PCDHGA1: variants seen among roughly 807,000 people sequenced by gnomAD.
PCDHGA1 encodes the protein protocadherin gamma-A1.
A neutral mutation model predicts 58.0 loss-of-function variants in PCDHGA1; 32 were observed. The observed-to-expected ratio is 0.55, with a 90% CI of 0.42 to 0.74. The LOEUF (loss-of-function observed/expected upper bound fraction) is 0.74, where lower values mean the gene tolerates loss of function less well. Among genes scored for constraint, PCDHGA1 ranks in the 30% least tolerant of loss-of-function variants. The pLI is 0.00. For missense variants in PCDHGA1, 1,205 were observed against 1,182.3 expected (o/e 1.02, Z -0.28); for synonymous variants, 498 against 501.1 (o/e 0.99, Z 0.08).
At chr5:141,353,898 A>G (rs1759411313) in intron 1 of PCDHGA1, among the ~76,000 whole-genome samples, 1 of 152,366 alleles carries the variant, frequency 6.6e-6, no homozygotes, top group East Asian at 1.9e-4. Context: ...TAAATTCTGT[A>G]TAGCTAATGC....
chr5:141,409,541 G>C lies in PCDHGA1; in HGVS notation c.2421+76436G>C, dbSNP rs1485327824. ...CACCTTGTATGTCGCTGACATCAAC[G>C]ACAACGCCCCAGTTTTCGACCAGAC... On this transcript the variant is annotated intron_variant, in intron 1 of 3. Coordinates refer to ENST00000517417, the MANE Select transcript of PCDHGA1 (RefSeq NM_018912.3). 16 of 1,613,852 alleles carry C rather than the reference G, an allele frequency of 9.9e-6. No homozygotes were observed. Among genetic ancestry groups the C allele is most frequent in the Admixed American group, 1.7e-5 (1 of 60,016 alleles).
At chr5:141,351,835 G>T (rs769087131) in intron 1 of PCDHGA1, 1 of 1,613,110 alleles carries the variant, frequency 6.2e-7, no homozygotes. Flanking sequence ...GCGCCTTCGA[G>T]CTCACACTGC....
At chr5:141,351,075 C>A (rs547501388) in intron 1 of PCDHGA1, 7 of 1,613,914 alleles carry the variant, frequency 4.3e-6, no homozygotes, top group Non-Finnish European at 5.9e-6. Context: ...GGCATTAATG[C>A]AGAGATCACC....
chr5:141,388,430 TAAAG>T (rs2091357990), intron 1 of PCDHGA1: 1 of 1,613,634 alleles, frequency 6.2e-7, no homozygotes, highest in South Asian at 1.1e-5. Context: ...CACTGATAAA[TAAAG>T]AGAAATCAGA....
chr5:141,415,101 C>T, intron 1 of PCDHGA1: 1 of 1,613,550 alleles, frequency 6.2e-7, no homozygotes, highest in South Asian at 1.1e-5. Context: ...GAGACGCGCT[C>T]AAGCAAAGCC....
At chr5:141,467,537 A>G (rs2154569542) in intron 1 of PCDHGA1, among the ~76,000 whole-genome samples, 1 of 152,192 alleles carries the variant, frequency 6.6e-6, no homozygotes, top group Non-Finnish European at 1.5e-5. Context: ...TGAGATATGG[A>G]TCTGATTATA....
intron 3 of PCDHGA1, 40 bp downstream of exon 3, chr5:141,505,521 T>C: frequency 1.9e-6 from 3 of 1,612,684 alleles, no homozygotes; most frequent in Non-Finnish European, 2.5e-6. Context: ...GTGGGAGACC[T>C]GGGGTTCTGG....
At chr5:141,399,579 C>CT (rs1419885738) in intron 1 of PCDHGA1, 1 of 1,614,026 alleles carries the variant, frequency 6.2e-7, no homozygotes, top group African/African-American at 1.3e-5. Context: ...GCCAAGTCTC[C>CT]TACTCTATCA....
intron 1 of PCDHGA1, chr5:141,351,101 T>C (rs765433940): frequency 6.2e-7 from 1 of 1,613,996 alleles, no homozygotes; most frequent in Non-Finnish European, 8.5e-7. Context: ...CTTCCTCAAT[T>C]CCCCAATAAG....
chr5:141,347,783 T>C (rs1282741205), intron 1 of PCDHGA1, among the ~76,000 whole-genome samples: 2 of 146,882 alleles, frequency 1.4e-5, no homozygotes, highest in Non-Finnish European at 3.0e-5. Flanking sequence ...AGAGACTCCA[T>C]CTCAAAAAAA....
Position 141,332,364 on chromosome 5 carries a change from C to T in PCDHGA1, c.1680C>T (p.Pro560=), listed in dbSNP as rs200405477. 2.5e-6 allele frequency: 4 copies of T among 1,614,214 alleles called. No individual in the cohort carries two copies. The highest frequency in any genetic ancestry group is 2.2e-5 in the East Asian group (1 of 44,874). The change falls in exon 1 of 4, where the codon CCC becomes CCT. Residue 560 remains proline, a synonymous_variant. Transcript: ENST00000517417. This position sits in a 1 kb window ranked among gnomAD's most constrained non-coding sequence, Gnocchi z 4.6. ...TGCTGGACCAGAACGACAACGCGCCCGAGATCCTGTACCCCGCCCTCCCCA... is the reference window on the plus strand; with the variant it reads ...TGCTGGACCAGAACGACAACGCGCCTGAGATCCTGTACCCCGCCCTCCCCA... ...LFLLDQNDNA[P]EILYPALPTD...
At position 141,414,898 on chromosome 5, in the gene PCDHGA1, G is replaced by A. The variant is rs1369274783; in HGVS notation, c.2422-79909G>A. On this transcript the variant is annotated intron_variant, in intron 1 of 3. Coordinates refer to ENST00000517417, the MANE Select transcript of PCDHGA1 (RefSeq NM_018912.3). ...CCTGTACCCCGCCCTCCCCACAGAC[G>A]GTTCCACAGGCGTGGAGCTGGCGCC... is the stretch of plus-strand genomic sequence containing the variant. 2.5e-6 allele frequency: 4 copies of A among 1,614,190 alleles called. No individual in the cohort carries two copies. Among genetic ancestry groups the A allele is most frequent in the Admixed American group, 1.7e-5 (1 of 60,028 alleles).
chr5:141,489,427 C>T lies in PCDHGA1; in HGVS notation c.2422-5380C>T, dbSNP rs370540900. 83 of 1,613,990 alleles carry T rather than the reference C, an allele frequency of 5.1e-5. No individual in the cohort carries two copies. The highest frequency in any genetic ancestry group is 8.3e-5 in the Admixed American group (5 of 59,996). On this transcript the variant is annotated intron_variant, in intron 1 of 3. Transcript: ENST00000517417. The surrounding 1 kb of genome is among the most constrained non-coding windows in gnomAD (Gnocchi z 4.5). ...AAAGATGACAGATCTGTTGAGCCGGCGGCTGCAATTGGGCTCTGAGGAGAA... is the reference window on the plus strand; with the variant it reads ...AAAGATGACAGATCTGTTGAGCCGGTGGCTGCAATTGGGCTCTGAGGAGAA...
At position 141,493,235 on chromosome 5, in the gene PCDHGA1, T is replaced by G. The variant is rs541360337; in HGVS notation, c.2422-1572T>G. Among the ~76,000 whole-genome samples the G allele has an allele frequency of 6.6e-6, 1 of 152,352 alleles. No homozygotes were observed. The highest frequency in any genetic ancestry group is 1.5e-5 in the Non-Finnish European group (1 of 68,036). On this transcript the variant is annotated intron_variant, in intron 1 of 3. Transcript: ENST00000517417. This position sits in a 1 kb window ranked among gnomAD's most constrained non-coding sequence, Gnocchi z 4.3. ...TGCTCTTCCCACCATTGCTGTTGGC[T>G]AGGTACTAACATGCCTCTCTTATAA...
chr5:141,349,089 G>C (rs1452300075), intron 1 of PCDHGA1, among the ~76,000 whole-genome samples: 2 of 152,104 alleles, frequency 1.3e-5, no homozygotes, highest in African/African-American at 4.8e-5. Context: ...GAATGTTTTT[G>C]AGACAGAGTC....
intron 1 of PCDHGA1, chr5:141,392,652 A>T: frequency 1.4e-6 from 1 of 713,126 alleles, no homozygotes; most frequent in South Asian, 2.2e-5. Flanking sequence ...GAAGACCCGC[A>T]GATGCCACAA....
intron 1 of PCDHGA1, among the ~76,000 whole-genome samples, chr5:141,407,336 G>A (rs1005803062): frequency 6.6e-6 from 1 of 152,240 alleles, no homozygotes; most frequent in Admixed American, 6.5e-5. Flanking sequence ...ATATTGAAAT[G>A]TATGTTAATT....
At chr5:141,415,198 G>T in intron 1 of PCDHGA1, 2 of 1,614,038 alleles carry the variant, frequency 1.2e-6, no homozygotes, top group Non-Finnish European at 1.7e-6. Context: ...CATCCCCCAA[G>T]TCCTGGCGGA....
At chr5:141,346,585 T>C (rs988911686) in intron 1 of PCDHGA1, 1 of 1,373,936 alleles carries the variant, frequency 7.3e-7, no homozygotes, top group South Asian at 1.5e-5. Flanking sequence ...TAAATATTTG[T>C]CCCCCTTTCT....
Sources: allele counts gnomAD v4.1 joint callset (sites outside exome capture counted in the v4.1 genomes callset), GRCh38; gene constraint gnomAD v4.1.1; non-coding constraint Gnocchi (gnomAD v3.1); transcripts MANE v1.5; gene names NCBI Gene and HGNC (gene_info 2026-07-23, HGNC 2026-07-21).